Variants in DOCK9 observed in about 807,000 individuals in gnomAD.
The protein encoded by DOCK9 is dedicator of cytokinesis protein 9.
In DOCK9, 89 loss-of-function variants were observed where a neutral mutation model predicts 263.3. That is an observed-to-expected ratio of 0.34 (90% CI 0.28 to 0.40). DOCK9 has a LOEUF of 0.40. Among genes scored for constraint, DOCK9 ranks in the 10% least tolerant of loss-of-function variants. The probability of loss-of-function intolerance (pLI) is 1.00; values close to 1 mark genes in which losing one functional copy is unlikely to be tolerated. For synonymous variants in DOCK9, 976 were observed against 973.1 expected, an observed-to-expected ratio of 1.00 and a Z score of -0.06; for missense variants, 2,140 against 2,603.4, an observed-to-expected ratio of 0.82 and a Z score of 3.87.
At chr13:98,962,842 G>A (rs2058795605) in intron 1 of DOCK9, among the ~76,000 whole-genome samples, 1 of 152,112 alleles carries the variant, frequency 6.6e-6, no homozygotes, top group East Asian at 1.9e-4. Flanking sequence ...GTATTGCTGT[G>A]GTGTGTGCCA....
chr13:99,057,878 C>T (rs1025764885), intron 1 of DOCK9, among the ~76,000 whole-genome samples: 1 of 152,100 alleles, frequency 6.6e-6, no homozygotes. Context: ...TTTTCTTATA[C>T]TGATAATACA....
intron 13 of DOCK9, among the ~76,000 whole-genome samples, chr13:98,899,229 C>A (rs1337048021): frequency 6.6e-6 from 1 of 152,076 alleles, no homozygotes; most frequent in Non-Finnish European, 1.5e-5. Flanking sequence ...TCTGACAAGA[C>A]CTCCGGTGAT....
At chr13:99,070,987 A>G (rs578098090) in intron 1 of DOCK9, among the ~76,000 whole-genome samples, 1 of 152,300 alleles carries the variant, frequency 6.6e-6, no homozygotes, top group African/African-American at 2.4e-5. Flanking sequence ...TATTACAGTT[A>G]ACTCTTGAAC....
At chr13:98,883,960 TC>T in intron 21 of DOCK9, 61 bp from the exon 22 acceptor site, 1 of 1,260,662 alleles carries the variant, frequency 7.9e-7, no homozygotes, top group Non-Finnish European at 1.1e-6. Flanking sequence ...TCTAACATGA[TC>T]ATCAATGAGG....
intron 1 of DOCK9, among the ~76,000 whole-genome samples, chr13:98,973,928 T>A (rs1023732399): frequency 1.3e-5 from 2 of 152,138 alleles, no homozygotes; most frequent in African/African-American, 2.4e-5. Context: ...TGAGTACACC[T>A]AATAGGAAAA....
At chr13:98,934,242 C>T (rs2054453738) in intron 2 of DOCK9, among the ~76,000 whole-genome samples, 1 of 152,118 alleles carries the variant, frequency 6.6e-6, no homozygotes, top group Admixed American at 6.5e-5. Context: ...GCTTCTGTTA[C>T]CTCCTTCTTG....
chr13:98,951,584 T>C (rs1274566724), intron 2 of DOCK9, among the ~76,000 whole-genome samples: 1 of 152,182 alleles, frequency 6.6e-6, no homozygotes, highest in Non-Finnish European at 1.5e-5. Flanking sequence ...CAAGACCACA[T>C]ACTCAAGTGT....
chr13:98,956,267 T>C (rs2058051674), intron 1 of DOCK9, among the ~76,000 whole-genome samples: 1 of 152,194 alleles, frequency 6.6e-6, no homozygotes, highest in African/African-American at 2.4e-5. Flanking sequence ...TTTCTAGCTA[T>C]TTCCAAAGTT....
At chr13:98,966,990 T>C (rs1400553725) in intron 1 of DOCK9, among the ~76,000 whole-genome samples, 1 of 152,208 alleles carries the variant, frequency 6.6e-6, no homozygotes, top group East Asian at 1.9e-4. Context: ...GGCCTCACAG[T>C]CTGTGTTAAC....
chr13:99,053,965 AAAG>A (rs535448560), intron 1 of DOCK9, among the ~76,000 whole-genome samples: 98 of 152,356 alleles, frequency 6.4e-4, no homozygotes, highest in African/African-American at 2.2e-3. Context: ...ACCACATCTC[AAAG>A]AAGATTATCT....
intron 1 of DOCK9, among the ~76,000 whole-genome samples, chr13:99,004,923 G>A (rs1278863004): frequency 2.0e-5 from 3 of 151,936 alleles, no homozygotes; most frequent in African/African-American, 7.3e-5. Flanking sequence ...TTTGTATAAT[G>A]TATAAAAGGA....
chr13:98,997,683 G>A (rs767237614), intron 1 of DOCK9, among the ~76,000 whole-genome samples: 1 of 152,218 alleles, frequency 6.6e-6, no homozygotes, highest in Non-Finnish European at 1.5e-5. Flanking sequence ...TGTTCTTTGT[G>A]GGAATTATTT....
chr13:98,956,493 AT>A (rs2058077428), intron 1 of DOCK9, among the ~76,000 whole-genome samples: 1 of 152,226 alleles, frequency 6.6e-6, no homozygotes, highest in African/African-American at 2.4e-5. Context: ...CACACCCGTA[AT>A]CTCAGCACTT....
Position 98,999,316 on chromosome 13 carries a change from A to ACACACACACACTCTCTCT in DOCK9, c.130-43766_130-43765insAGAGAGAGTGTGTGTGTG. ...CACACACACACACACACACACACACACTCTCTCTCTCTCTCTCTCTGGAAG... is the reference window on the plus strand; with the variant it reads ...CACACACACACACACACACACACACACACACACACACTCTCTCTCTCTCTCTCTCTCTCTCTCTGGAAG... On this transcript the variant is annotated intron_variant, in intron 1 of 32. Transcript: ENST00000427887. Among the ~76,000 whole-genome samples, 315 of 138,360 alleles carry ACACACACACACTCTCTCT rather than the reference A, an allele frequency of 2.3e-3. 1 individual carries two copies. The highest frequency in any genetic ancestry group is 7.8e-3 in the Middle Eastern group (2 of 258). 90.8% of individuals were successfully genotyped at this position (138,360 alleles called of 152,430 possible). A position where few individuals can be genotyped will look rare whatever the true frequency, so the allele number is the denominator to read the frequency against.
chr13:98,955,922 C>T (rs371946951), intron 1 of DOCK9, among the ~76,000 whole-genome samples: 5 of 152,330 alleles, frequency 3.3e-5, no homozygotes, highest in African/African-American at 7.2e-5. Flanking sequence ...ATGCCCAGAA[C>T]GGCTCCAGCC....
At chr13:98,808,179 G>C (rs1447371301) in intron 47 of DOCK9, among the ~76,000 whole-genome samples, 1 of 152,194 alleles carries the variant, frequency 6.6e-6, no homozygotes. Flanking sequence ...AAGTGGACAT[G>C]CCTCCCTTCT....
intron 1 of DOCK9, among the ~76,000 whole-genome samples, chr13:98,967,855 C>G (rs1408717): frequency 0.54 from 81,962 of 152,048 alleles, 22,318 homozygotes; most frequent in East Asian, 0.75. Context: ...TAAATGTCTT[C>G]ACACATATTA....
intron 13 of DOCK9, among the ~76,000 whole-genome samples, chr13:98,901,464 T>C (rs920511837): frequency 2.0e-4 from 31 of 152,148 alleles, no homozygotes; most frequent in African/African-American, 6.8e-4. Context: ...AATTAACAGA[T>C]AGAAGAAACT....
At chr13:98,939,439 A>G (rs2055450589) in intron 2 of DOCK9, among the ~76,000 whole-genome samples, 1 of 152,078 alleles carries the variant, frequency 6.6e-6, no homozygotes, top group African/African-American at 2.4e-5. Flanking sequence ...TTGTAATCTC[A>G]TGTAAAGCAT....
Sources: allele counts gnomAD v4.1 joint callset (sites outside exome capture counted in the v4.1 genomes callset), GRCh38; gene constraint gnomAD v4.1.1; transcripts MANE v1.5; gene names NCBI Gene and HGNC (gene_info 2026-07-23, HGNC 2026-07-21).